Variants in CUL3 observed in about 807,000 individuals in gnomAD.
The protein encoded by CUL3 is cullin 3.
Under a neutral mutation model 89.1 loss-of-function variants are expected in CUL3, and 19 were observed. The observed-to-expected ratio is 0.21, with a 90% CI of 0.15 to 0.31. CUL3 has a LOEUF of 0.31. Among genes scored for constraint, CUL3 ranks in the 10% least tolerant of loss-of-function variants. CUL3 has a pLI of 1.00. For synonymous variants in CUL3, 351 were observed against 308.4 expected (o/e 1.14, Z -1.45); for missense variants, 469 against 942.3 (o/e 0.50, Z 6.58).
chr2:224,530,704 C>T (rs567821670), intron 3 of CUL3, among the ~76,000 whole-genome samples: 31 of 152,130 alleles, frequency 2.0e-4, no homozygotes, highest in African/African-American at 5.8e-4. Context: ...CCCAGGAGTT[C>T]GAGACCAGCC....
At chr2:224,513,469 T>TA (rs1439837973) in intron 5 of CUL3, 55 bp downstream of exon 5, 27 of 1,171,520 alleles carry the variant, frequency 2.3e-5, no homozygotes, top group African/African-American at 3.2e-5. Flanking sequence ...GTAACTATAT[T>TA]AAATAACATT....
chr2:224,575,763 A>T (rs1262913438), intron 1 of CUL3, among the ~76,000 whole-genome samples: 1 of 152,170 alleles, frequency 6.6e-6, no homozygotes, highest in Non-Finnish European at 1.5e-5. Context: ...CCTACATCTA[A>T]CAAACAGAAG....
At chr2:224,516,874 T>C (rs1693073207) in intron 3 of CUL3, among the ~76,000 whole-genome samples, 1 of 151,974 alleles carries the variant, frequency 6.6e-6, no homozygotes, top group Non-Finnish European at 1.5e-5. Flanking sequence ...CTCCATCTCC[T>C]AACCTCGTGA....
At chr2:224,540,133 T>G (rs1455107642) in intron 2 of CUL3, among the ~76,000 whole-genome samples, 1 of 151,528 alleles carries the variant, frequency 6.6e-6, no homozygotes, top group African/African-American at 2.4e-5. Flanking sequence ...CTTGGCTCAC[T>G]GCAACCTCTG....
At chr2:224,534,216 C>T (rs1693796482) in intron 3 of CUL3, among the ~76,000 whole-genome samples, 1 of 152,114 alleles carries the variant, frequency 6.6e-6, no homozygotes, top group South Asian at 2.1e-4. Flanking sequence ...TTTAATCTCT[C>T]TGAAAGTTAT....
chr2:224,559,944 T>C (rs924435865), intron 1 of CUL3, among the ~76,000 whole-genome samples: 1 of 152,062 alleles, frequency 6.6e-6, no homozygotes, highest in Non-Finnish European at 1.5e-5. Context: ...TAGTCGGGCA[T>C]GGTGGCATGC....
In CUL3 at chr2:224,473,431, TTGTCTACAATAAA is replaced by T. The variant is rs1447050055; in HGVS notation, c.*801_*813del. ...TATGTGTATACTAAATTCATTATTT[TTGTCTACAATAAA>T]TGAAATAAAAACACCACCCTATACA... On this transcript the variant is annotated 3_prime_UTR_variant, in exon 16 of 16. Coordinates refer to ENST00000264414, the MANE Select transcript of CUL3 (RefSeq NM_003590.5). 2.7e-5 allele frequency: 5 copies of T among 188,336 alleles called. No homozygotes were observed. Among genetic ancestry groups the T allele is most frequent in the Non-Finnish European group, 4.5e-5 (4 of 89,266 alleles). 11.7% of individuals were successfully genotyped at this position (188,336 alleles called of 1,614,324 possible). A position where few individuals can be genotyped will look rare whatever the true frequency, so the allele number is the denominator to read the frequency against.
intron 13 of CUL3, among the ~76,000 whole-genome samples, chr2:224,492,808 C>A (rs1277252490): frequency 6.6e-6 from 1 of 152,058 alleles, no homozygotes; most frequent in Non-Finnish European, 1.5e-5. Context: ...CTTGGGCAAC[C>A]AAGAAAATGA....
chr2:224,557,662 A>G lies in CUL3; in HGVS notation c.261T>C (p.Asn87=), dbSNP rs762185486. 1 of 1,603,582 alleles carries G rather than the reference A, an allele frequency of 6.2e-7. No individual in the cohort carries two copies. The highest frequency in any genetic ancestry group is 1.1e-5 in the South Asian group (1 of 90,748). ...LREVVTEHLI[N]KVREDVLNSL... ...ACAGTCCTTTAAAGTTTGATACCTT[A>G]TTTATGAGATGTTCGGTAACAACTT... is the stretch of plus-strand genomic sequence containing the variant. Residue 87 remains asparagine (N), a synonymous_variant, in exon 2 of 16, where the codon AAT becomes AAC. Transcript: ENST00000264414.
intron 3 of CUL3, among the ~76,000 whole-genome samples, chr2:224,527,171 A>G (rs1043095744): frequency 1.3e-5 from 2 of 152,230 alleles, no homozygotes; most frequent in African/African-American, 4.8e-5. Flanking sequence ...GTATAGCCCA[A>G]AAGTCACTGC....
At chr2:224,489,951 T>C (rs938541613) in intron 13 of CUL3, among the ~76,000 whole-genome samples, 1 of 152,090 alleles carries the variant, frequency 6.6e-6, no homozygotes, top group Non-Finnish European at 1.5e-5. Context: ...TTGCGATCTA[T>C]CCATCTGACA....
intron 1 of CUL3, among the ~76,000 whole-genome samples, chr2:224,571,621 T>G (rs1455130978): frequency 6.6e-6 from 1 of 151,660 alleles, no homozygotes; most frequent in Admixed American, 6.6e-5. Context: ...GCTATAAGTC[T>G]GTTTAAAACT....
chr2:224,477,007 C>A (rs1233635693), intron 15 of CUL3, among the ~76,000 whole-genome samples: 1 of 152,214 alleles, frequency 6.6e-6, no homozygotes, highest in Non-Finnish European at 1.5e-5. Context: ...ATGAAAATGT[C>A]TGAGAAAGTT....
chr2:224,475,999 A>G (rs1350485472), intron 15 of CUL3, among the ~76,000 whole-genome samples: 4 of 151,900 alleles, frequency 2.6e-5, no homozygotes, highest in African/African-American at 9.7e-5. Flanking sequence ...TTACTGAAAC[A>G]CAGTCACATG....
rs1251207735 is a variant in CUL3 at position 224,485,718 on chromosome 2, GAA to G, written c.1843-3642_1843-3641del. On this transcript the variant is annotated intron_variant, in intron 13 of 15. Coordinates refer to ENST00000264414, the MANE Select transcript of CUL3 (RefSeq NM_003590.5). The surrounding 1 kb of genome is among the most constrained non-coding windows in gnomAD (Gnocchi z 4.1). Reference sequence around the variant, plus strand: ...TTAAATGTTCTTGCCTGCTGGCTCTGAAGAGAGCAGTGGATCCCACAGCGCAG... The same window carrying G: ...TTAAATGTTCTTGCCTGCTGGCTCTGGAGAGCAGTGGATCCCACAGCGCAG... Among the ~76,000 whole-genome samples the G allele has an allele frequency of 6.6e-6, 1 of 152,218 alleles. No homozygotes were observed. Among genetic ancestry groups the G allele is most frequent in the African/African-American group, 2.4e-5 (1 of 41,468 alleles).
chr2:224,552,893 C>T (rs1261861241), intron 2 of CUL3, among the ~76,000 whole-genome samples: 1 of 152,220 alleles, frequency 6.6e-6, no homozygotes, highest in Admixed American at 6.5e-5. Context: ...AAGGTATATT[C>T]TGTGAGATTA....
Position 224,507,790 on chromosome 2 carries a change from T to C in CUL3, c.884-787A>G, listed in dbSNP as rs188149970. On this transcript the variant is annotated intron_variant, in intron 6 of 15. Coordinates refer to ENST00000264414, the MANE Select transcript of CUL3 (RefSeq NM_003590.5). ...AAATACAGTTTTCCCATATGTCTAG[T>C]GTTTCTTTGCAATAACAACTTACTG... 7.2e-5 allele frequency among the ~76,000 whole-genome samples: 11 copies of C among 152,314 alleles called. No homozygotes were observed. The East Asian group carries it at 2.1e-3, about 29-fold the overall frequency.
chr2:224,511,646 G>A, intron 5 of CUL3, 64 bp from the exon 6 acceptor site: 3 of 886,436 alleles, frequency 3.4e-6, no homozygotes, highest in Non-Finnish European at 5.0e-6. Context: ...GCTTTTAGCT[G>A]GGTTTCTACA....
intron 2 of CUL3, among the ~76,000 whole-genome samples, chr2:224,538,086 G>A (rs1202708903): frequency 6.6e-6 from 1 of 152,030 alleles, no homozygotes; most frequent in Non-Finnish European, 1.5e-5. Flanking sequence ...GACCAATAAC[G>A]GTGAATTTTA....
Sources: allele counts gnomAD v4.1 joint callset (sites outside exome capture counted in the v4.1 genomes callset), GRCh38; gene constraint gnomAD v4.1.1; non-coding constraint Gnocchi (gnomAD v3.1); transcripts MANE v1.5; gene names NCBI Gene and HGNC (gene_info 2026-07-23, HGNC 2026-07-21).